SPATA22: variants seen among roughly 807,000 people sequenced by gnomAD.
The protein encoded by SPATA22 is spermatogenesis associated 22.
In SPATA22, 29 loss-of-function variants were observed where a neutral mutation model predicts 47.8. The ratio of observed to expected loss-of-function variants is 0.61; its 90% CI spans 0.45 to 0.83. The LOEUF is 0.83. Among genes scored for constraint, SPATA22 ranks in the 40% least tolerant of loss-of-function variants. The probability of loss-of-function intolerance (pLI) is 0.00; values close to 1 mark genes in which losing one functional copy is unlikely to be tolerated. For synonymous variants in SPATA22, 133 were observed against 140.9 expected, an observed-to-expected ratio of 0.94 and a Z score of 0.40; for missense variants, 410 against 421.7, an observed-to-expected ratio of 0.97 and a Z score of 0.24.
rs574318112 is a variant in SPATA22 at position 3,464,599 on chromosome 17, C to T, written c.173-1832G>A. Among the ~76,000 whole-genome samples the T allele has an allele frequency of 2.1e-5, 3 of 146,248 alleles. No homozygotes were observed. The South Asian group carries it at 6.6e-4, about 32-fold the overall frequency. On this transcript the variant is annotated intron_variant, in intron 3 of 8. Transcript: ENST00000572969. ...GGAGCGTCTCTGCCGGGCCGCCCAT[C>T]GTCTGAGATGTGGGGAGCACCTTTG...
intron 6 of SPATA22, among the ~76,000 whole-genome samples, chr17:3,447,815 C>T (rs1223018440): frequency 6.6e-6 from 1 of 152,118 alleles, no homozygotes; most frequent in Non-Finnish European, 1.5e-5. Context: ...AGTGAGAAAA[C>T]CCAACCTTTC....
rs146826063 is a variant in SPATA22, at chr17:3,490,353, T to C, written c.-73-20955A>G. 1.1e-4 allele frequency among the ~76,000 whole-genome samples: 17 copies of C among 152,340 alleles called. No homozygotes were observed. Among genetic ancestry groups the C allele is most frequent in the African/African-American group, 4.1e-4 (17 of 41,566 alleles). Reference sequence around the variant, plus strand: ...AAATCTAAAACTGCACTAAAAAGTCTATTAGTTATAAAAAAAGTTTACTTT... The same window carrying C: ...AAATCTAAAACTGCACTAAAAAGTCCATTAGTTATAAAAAAAGTTTACTTT... On this transcript the variant is annotated intron_variant, in intron 1 of 8. Coordinates refer to the SPATA22 transcript ENST00000541913. The surrounding 1 kb of genome is among the most constrained non-coding windows in gnomAD (Gnocchi z 4.6).
rs1480875308 is a variant in SPATA22 at position 3,467,468 on chromosome 17, T to G, written c.130A>C (p.Ser44Arg). ...SNPLKDDSGISTPSDNYDFPP... is the reference protein window; with the variant it reads ...SNPLKDDSGIRTPSDNYDFPP... ...AAATCATAATTGTCAGAAGGGGTAC[T>G]GATACCTGAATCATCTTTAAGTGGA... Residue 44 changes from serine to arginine, a missense_variant, in exon 3 of 9, where the codon AGT (serine) becomes CGT (arginine). By Grantham distance (110) the Ser-to-Arg change is moderately radical. Transcript: ENST00000572969. 1.2e-6 allele frequency: 2 copies of G among 1,609,172 alleles called. No individual in the cohort carries two copies. The highest frequency in any genetic ancestry group is 4.5e-5 in the East Asian group (2 of 44,482).
chr17:3,451,380 C>T (rs2072856368), intron 5 of SPATA22, among the ~76,000 whole-genome samples: 1 of 151,964 alleles, frequency 6.6e-6, no homozygotes. Flanking sequence ...CTCAATACTC[C>T]ACTTTTAATA....
At chr17:3,495,802 C>T (rs951085106) in intron 1 of SPATA22, among the ~76,000 whole-genome samples, 9 of 152,136 alleles carry the variant, frequency 5.9e-5, no homozygotes, top group Middle Eastern at 3.2e-3. Context: ...CTCCTGACAT[C>T]ATGATCCACC....
At chr17:3,481,076 T>C (rs1369756052) in intron 1 of SPATA22, among the ~76,000 whole-genome samples, 2 of 151,796 alleles carry the variant, frequency 1.3e-5, no homozygotes, top group African/African-American at 4.8e-5. Context: ...TGATCCATAA[T>C]TGGGCCACTG....
At chr17:3,472,525 T>A (rs1461351212), upstream of SPATA22, 4 of 152,274 alleles carry the variant, frequency 2.6e-5, no homozygotes, top group Non-Finnish European at 5.9e-5. Context: ...ACAATCGCCC[T>A]AAAAATACTA....
At chr17:3,503,975 C>A (rs2074018241) in intron 1 of SPATA22, among the ~76,000 whole-genome samples, 1 of 151,874 alleles carries the variant, frequency 6.6e-6, no homozygotes, top group Non-Finnish European at 1.5e-5. Context: ...ATCTGCCCTC[C>A]CTCCCCGACG....
At chr17:3,452,126 G>A (rs2072876311) in intron 5 of SPATA22, among the ~76,000 whole-genome samples, 1 of 151,560 alleles carries the variant, frequency 6.6e-6, no homozygotes, top group South Asian at 2.1e-4. Flanking sequence ...AGTACTAAGG[G>A]GAGTTTATAG....
At chr17:3,494,985 G>A (rs972791031) in intron 1 of SPATA22, among the ~76,000 whole-genome samples, 1 of 150,300 alleles carries the variant, frequency 6.7e-6, no homozygotes, top group Non-Finnish European at 1.5e-5. Flanking sequence ...ATAAGTTAGA[G>A]AAAAACGACT....
chr17:3,501,494 TGAG>T (rs1167025874), intron 1 of SPATA22: 3 of 153,248 alleles, frequency 2.0e-5, no homozygotes, highest in Non-Finnish European at 4.4e-5. Context: ...CTTGAATGGA[TGAG>T]GAGTCGCTTC....
intron 1 of SPATA22, among the ~76,000 whole-genome samples, chr17:3,491,427 T>C (rs758187528): frequency 6.6e-6 from 1 of 152,098 alleles, no homozygotes; most frequent in Admixed American, 6.5e-5. Context: ...GCATTGAGAA[T>C]GTTGAAGAGC....
chr17:3,488,236 T>C lies in SPATA22; in HGVS notation c.-73-18838A>G, dbSNP rs1396558165. On this transcript the variant is annotated intron_variant, in intron 1 of 8. Coordinates refer to the SPATA22 transcript ENST00000541913. This position sits in a 1 kb window ranked among gnomAD's most constrained non-coding sequence, Gnocchi z 6.1. ...AACAGGAAGGAAGGGTCTACAAAAG[T>C]AGTTTAAAGAAAGAGTATTTTGTAG... Among the ~76,000 whole-genome samples, 2 of 152,082 alleles carry C rather than the reference T, an allele frequency of 1.3e-5. No homozygotes were observed. Among genetic ancestry groups the C allele is most frequent in the African/African-American group, 2.4e-5 (1 of 41,410 alleles).
chr17:3,505,812 C>A (rs2074036108), intron 1 of SPATA22, among the ~76,000 whole-genome samples: 1 of 148,318 alleles, frequency 6.7e-6, no homozygotes, highest in African/African-American at 2.5e-5. Context: ...GGCTGCAGTA[C>A]AGTGGCATGA....
upstream of SPATA22, among the ~76,000 whole-genome samples, chr17:3,474,494 T>C (rs2073492958): frequency 1.3e-5 from 2 of 152,240 alleles, no homozygotes; most frequent in Admixed American, 1.3e-4. Flanking sequence ...TGTCATCTGT[T>C]TACTTTTACG....
chr17:3,445,269 C>T (rs894471398), intron 7 of SPATA22, among the ~76,000 whole-genome samples: 3 of 152,086 alleles, frequency 2.0e-5, no homozygotes, highest in Admixed American at 1.3e-4. Context: ...ATTGCAGTTA[C>T]GTGGCTACTG....
intron 5 of SPATA22, among the ~76,000 whole-genome samples, chr17:3,451,250 T>A (rs762163861): frequency 6.6e-6 from 1 of 152,064 alleles, no homozygotes; most frequent in Non-Finnish European, 1.5e-5. Context: ...GTAAATTCAA[T>A]AGGAAGACAT....
chr17:3,450,406 A>G (rs2150704112), intron 5 of SPATA22, among the ~76,000 whole-genome samples: 1 of 152,352 alleles, frequency 6.6e-6, no homozygotes, highest in East Asian at 1.9e-4. Context: ...TATAAACACC[A>G]CAAACATCAC....
chr17:3,448,476 A>G (rs2072777612), intron 6 of SPATA22, among the ~76,000 whole-genome samples: 1 of 152,202 alleles, frequency 6.6e-6, no homozygotes, highest in South Asian at 2.1e-4. Flanking sequence ...ACCTCTGTTG[A>G]AAAATACTTA....
Sources: allele counts gnomAD v4.1 joint callset (sites outside exome capture counted in the v4.1 genomes callset), GRCh38; gene constraint gnomAD v4.1.1; non-coding constraint Gnocchi (gnomAD v3.1); transcripts MANE v1.5; gene names NCBI Gene and HGNC (gene_info 2026-07-23, HGNC 2026-07-21).